Variants in SHQ1 observed in about 807,000 individuals in gnomAD.
SHQ1 encodes protein SHQ1 homolog.
SHQ1 carries 49 observed loss-of-function variants against 53.8 expected under a neutral mutation model. The ratio of observed to expected loss-of-function variants is 0.91; its 90% confidence interval spans 0.72 to 1.16. The LOEUF is 1.16. Ranked by LOEUF, SHQ1 falls within the 50% of genes most tolerant of loss-of-function variation. The probability of loss-of-function intolerance (pLI) is 0.00; values close to 1 mark genes in which losing one functional copy is unlikely to be tolerated. For synonymous variants in SHQ1, 243 were observed against 251.0 expected, an observed-to-expected ratio of 0.97 and a Z score of 0.30; for missense variants, 738 against 683.1, an observed-to-expected ratio of 1.08 and a Z score of -0.90.
intron 4 of SHQ1, among the ~76,000 whole-genome samples, chr3:72,836,882 A>C (rs967936418): frequency 1.3e-5 from 2 of 152,214 alleles, no homozygotes; most frequent in Non-Finnish European, 2.9e-5. Flanking sequence ...GTAGGATTTA[A>C]ATTAAGTTTA....
At chr3:72,759,889 C>G (rs897633398) in intron 10 of SHQ1, among the ~76,000 whole-genome samples, 1 of 152,168 alleles carries the variant, frequency 6.6e-6, no homozygotes, top group Non-Finnish European at 1.5e-5. Context: ...TATTACAGCA[C>G]CATCTAACAT....
chr3:72,804,731 C>T (rs1023927426), intron 9 of SHQ1, among the ~76,000 whole-genome samples: 1 of 152,164 alleles, frequency 6.6e-6, no homozygotes, highest in African/African-American at 2.4e-5. Context: ...TGGCTCACAC[C>T]TGTCAACCAG....
intron 1 of SHQ1, among the ~76,000 whole-genome samples, chr3:72,844,976 T>C (rs949548591): frequency 6.6e-6 from 1 of 152,202 alleles, no homozygotes; most frequent in Non-Finnish European, 1.5e-5. Flanking sequence ...TCATTATGTA[T>C]GCAAAAATAT....
chr3:72,730,097 C>T, the SHQ1 span, among the ~76,000 whole-genome samples: 111 of 151,946 alleles, frequency 7.3e-4, no homozygotes, highest in Admixed American at 1.3e-3. Flanking sequence ...GAATTACAGG[C>T]GTGAGCCACC....
chr3:72,743,523 C>T, the SHQ1 span, among the ~76,000 whole-genome samples: 1 of 152,166 alleles, frequency 6.6e-6, no homozygotes, highest in Non-Finnish European at 1.5e-5. Context: ...GATCTTCCTG[C>T]TTAGAATGTT....
At chr3:72,762,346 TA>T (rs1705629387) in intron 10 of SHQ1, among the ~76,000 whole-genome samples, 1 of 152,176 alleles carries the variant, frequency 6.6e-6, no homozygotes, top group Non-Finnish European at 1.5e-5. Flanking sequence ...ACAATGTCCA[TA>T]AAGAACTGTG....
At chr3:72,738,918 G>A in the SHQ1 span, among the ~76,000 whole-genome samples, 83 of 152,288 alleles carry the variant, frequency 5.5e-4, 1 homozygote, top group East Asian at 0.014. Context: ...GACGCCCGAG[G>A]ACCCGACGGA....
intron 10 of SHQ1, among the ~76,000 whole-genome samples, chr3:72,764,551 C>T (rs1705681044): frequency 6.6e-6 from 1 of 152,190 alleles, no homozygotes. Flanking sequence ...CCTAGACTAT[C>T]TAAGGAGAAT....
intron 10 of SHQ1, among the ~76,000 whole-genome samples, chr3:72,759,604 T>A (rs556442135): frequency 6.6e-6 from 1 of 152,228 alleles, no homozygotes; most frequent in South Asian, 2.1e-4. Flanking sequence ...GGCAGGAGAA[T>A]CACTTGTACC....
At chr3:72,743,225 G>A in the SHQ1 span, among the ~76,000 whole-genome samples, 15 of 152,168 alleles carry the variant, frequency 9.9e-5, no homozygotes, top group Admixed American at 7.2e-4. Flanking sequence ...TTCCTGCTCC[G>A]ATCATTCTGG....
chr3:72,753,473 C>G (rs1009591885), intron 10 of SHQ1: 1 of 985,304 alleles, frequency 1.0e-6, no homozygotes. Flanking sequence ...GATTGCCCCC[C>G]ACCCCCCACA....
At chr3:72,791,273 G>A (rs910844953) in intron 10 of SHQ1, among the ~76,000 whole-genome samples, 1 of 152,146 alleles carries the variant, frequency 6.6e-6, no homozygotes, top group African/African-American at 2.4e-5. Flanking sequence ...AATGGCAGCA[G>A]GGTATTTGAT....
intron 1 of SHQ1, among the ~76,000 whole-genome samples, chr3:72,846,012 T>G (rs1708318730): frequency 1.3e-5 from 2 of 152,314 alleles, no homozygotes; most frequent in African/African-American, 4.8e-5. Flanking sequence ...TCAAGAATCA[T>G]AAATCCCTCT....
chr3:72,806,862 G>C (rs1706963347), intron 9 of SHQ1, among the ~76,000 whole-genome samples: 1 of 152,054 alleles, frequency 6.6e-6, no homozygotes, highest in Admixed American at 6.5e-5. Context: ...CACATTTCTT[G>C]TAAGGCACTT....
chr3:72,840,226 A>G (rs563742046), intron 4 of SHQ1, among the ~76,000 whole-genome samples: 3,032 of 135,754 alleles, frequency 0.022, 121 homozygotes, highest in African/African-American at 0.07. Flanking sequence ...CACTCCAGCA[A>G]AGTGAGACTC....
At chr3:72,734,234 C>T in the SHQ1 span, among the ~76,000 whole-genome samples, 1 of 151,340 alleles carries the variant, frequency 6.6e-6, no homozygotes, top group South Asian at 2.1e-4. Context: ...TTCACAAATG[C>T]AAGCCATCAT....
chr3:72,747,064 C>T (rs995125663), downstream of SHQ1, among the ~76,000 whole-genome samples: 5 of 152,202 alleles, frequency 3.3e-5, no homozygotes, highest in Admixed American at 6.5e-5. Context: ...AAAGTACAAA[C>T]ATTCACAACC....
At chr3:72,761,114 G>A (rs1350675717) in intron 10 of SHQ1, among the ~76,000 whole-genome samples, 1 of 152,068 alleles carries the variant, frequency 6.6e-6, no homozygotes. Context: ...ATCTGACACA[G>A]ACTACAGATC....
At chr3:72,757,754 G>T (rs534944104) in intron 10 of SHQ1, among the ~76,000 whole-genome samples, 1 of 152,158 alleles carries the variant, frequency 6.6e-6, no homozygotes, top group Non-Finnish European at 1.5e-5. Flanking sequence ...GTTGTCACTT[G>T]TAAGTGGGAG....
Sources: allele counts gnomAD v4.1 joint callset (sites outside exome capture counted in the v4.1 genomes callset), GRCh38; gene constraint gnomAD v4.1.1; transcripts MANE v1.5; gene names NCBI Gene and HGNC (gene_info 2026-07-23, HGNC 2026-07-21).